Variants in POLDIP2 observed in about 807,000 individuals in gnomAD.
POLDIP2 encodes the protein DNA polymerase delta interacting protein 2.
POLDIP2 carries 32 observed loss-of-function variants against 52.9 expected under a neutral mutation model. That is an observed-to-expected ratio of 0.61 (90% confidence interval 0.46 to 0.81). The LOEUF (loss-of-function observed/expected upper bound fraction) is 0.81, where lower values mean the gene tolerates loss of function less well. Among genes scored for constraint, POLDIP2 ranks in the 40% least tolerant of loss-of-function variants. The pLI is 0.00. For synonymous variants in POLDIP2, 183 were observed against 183.0 expected (o/e 1.00, Z 0.00); for missense variants, 371 against 477.3 (o/e 0.78, Z 2.07).
chr17:28,357,238 T>C (rs369964112), intron 1 of POLDIP2, 50 bp downstream of exon 1: 4 of 1,455,718 alleles, frequency 2.7e-6, no homozygotes, highest in Non-Finnish European at 3.6e-6. Context: ...AGGAACACGC[T>C]CTCTGGGCTC....
intron 9 of POLDIP2, 121 bp from the exon 10 acceptor site, chr17:28,349,283 CAGCAGGCACTCCCAT>C: frequency 3.1e-6 from 2 of 648,548 alleles, no homozygotes; most frequent in East Asian, 2.9e-5. Context: ...GCCACCACCA[CAGCAGGCACTCCCAT>C]AGCATGATAC....
rs782819756 is a variant in POLDIP2 at position 28,351,783 on chromosome 17, G to A, written c.640C>T (p.Arg214Trp). The A allele has an allele frequency of 1.2e-6, 2 of 1,613,672 alleles. No homozygotes were observed. Among genetic ancestry groups the A allele is most frequent in the Non-Finnish European group, 8.5e-7 (1 of 1,179,648 alleles). Residue 214 changes from arginine (R) to tryptophan (W), a missense_variant, in exon 7 of 11, where the codon CGG becomes TGG. Arg to Trp is a moderately radical substitution (Grantham distance 101, BLOSUM62 -3). Transcript: ENST00000540200. Reference sequence around the variant, plus strand: ...TCTTGCCAGGCCCTTAGCGTCTCCCGAGCCACAAAAGGAGGTGCTGGGGCA... The same window carrying A: ...TCTTGCCAGGCCCTTAGCGTCTCCCAAGCCACAAAAGGAGGTGCTGGGGCA... ...DQTKAPPFVA[R>W]ETLRAWQEKN...
intron 1 of POLDIP2, 99 bp from the exon 2 acceptor site, chr17:28,355,975 T>C: frequency 1.2e-6 from 1 of 863,596 alleles, no homozygotes. Flanking sequence ...GCCAGGGCGA[T>C]GACAGCAGAG....
At chr17:28,353,649 C>T in intron 4 of POLDIP2, 46 bp downstream of exon 4, 1 of 1,348,590 alleles carries the variant, frequency 7.4e-7, no homozygotes. Context: ...GGATGCAGGA[C>T]TTTCCATGGA....
intron 3 of POLDIP2, among the ~76,000 whole-genome samples, 185 bp from the exon 4 acceptor site, chr17:28,353,976 C>T (rs574606608): frequency 6.6e-6 from 1 of 152,274 alleles, no homozygotes; most frequent in African/African-American, 2.4e-5. Context: ...AATAATAGAG[C>T]ATGGAAGACC....
At position 28,357,296 on chromosome 17, in the gene POLDIP2, G is replaced by A. The variant is rs1908089749; in HGVS notation, c.153C>T (p.Leu51=). 6.3e-7 allele frequency: 1 copy of A among 1,577,488 alleles called. No homozygotes were observed. Among genetic ancestry groups the A allele is most frequent in the African/African-American group, 1.4e-5 (1 of 72,052 alleles). ...CTGGCTCCGTCCCTCACCGGGACGA[G>A]AGGTGCCTCCGCGTCGTCGTGGTCG... ...PASTTTTRRH[L]SSRNRPEGKV... Residue 51 remains leucine (L), a synonymous_variant, in exon 1 of 11, where the codon CTC becomes CTT. Coordinates refer to ENST00000540200, the MANE Select transcript of POLDIP2 (RefSeq NM_015584.5).
Position 28,352,941 on chromosome 17 carries a change from T to A in POLDIP2, c.593A>T (p.Glu198Val), listed in dbSNP as rs1188346479. ...TGTCTGGTCATACAGAAGAAATCTT[T>A]CAAAGAGTTCATGTTGGATGGGAAC... ...DQVPIQHELF[E>V]RFLLYDQTKA... Residue 198 changes from glutamate to valine, a missense_variant, in exon 6 of 11, where the codon GAA (glutamate) becomes GTA (valine). Physicochemically the swap from Glu to Val is moderately radical, Grantham distance 121 (BLOSUM62 -2). Transcript: ENST00000540200. 3 of 1,586,870 alleles carry A rather than the reference T, an allele frequency of 1.9e-6. No individual in the cohort carries two copies. Among genetic ancestry groups the A allele is most frequent in the Non-Finnish European group, 2.6e-6 (3 of 1,155,158 alleles).
chr17:28,350,984 T>C (rs1191638118), intron 7 of POLDIP2, among the ~76,000 whole-genome samples, 192 bp from the exon 8 acceptor site: 1 of 152,034 alleles, frequency 6.6e-6, no homozygotes, highest in East Asian at 1.9e-4. Context: ...CTGTATCCAC[T>C]CCTGGCCTCC....
chr17:28,349,905 T>C (rs1858837), intron 9 of POLDIP2, among the ~76,000 whole-genome samples: 121,870 of 152,140 alleles, frequency 0.8, 49,246 homozygotes, highest in East Asian at 0.99. Flanking sequence ...TCCCCAGTCC[T>C]CGCTGACTTT....
At position 28,350,579 on chromosome 17, in the gene POLDIP2, G is replaced by A; in HGVS notation, c.787-16C>T. The A allele has an allele frequency of 6.2e-7, 1 of 1,603,156 alleles. No individual in the cohort carries two copies. The highest frequency in any genetic ancestry group is 1.1e-5 in the South Asian group (1 of 89,478). Reference sequence around the variant, plus strand: ...AGTAGCGCCACTGAGGTGGGTGTGGGAGAGAGAGTTTAAAAAAAATAAAAT... The same window carrying A: ...AGTAGCGCCACTGAGGTGGGTGTGGAAGAGAGAGTTTAAAAAAAATAAAAT... On this transcript the variant is annotated splice_polypyrimidine_tract_variant and intron_variant, in intron 8 of 10. Transcript: ENST00000540200.
At chr17:28,349,594 C>T (rs1384296593) in intron 9 of POLDIP2, among the ~76,000 whole-genome samples, 1 of 152,098 alleles carries the variant, frequency 6.6e-6, no homozygotes, top group Non-Finnish European at 1.5e-5. Context: ...CACCACTGCA[C>T]TCCAGCCTGG....
intron 8 of POLDIP2, 95 bp downstream of exon 8, chr17:28,350,671 G>C: frequency 1.9e-6 from 3 of 1,555,866 alleles, no homozygotes; most frequent in Non-Finnish European, 2.6e-6. Context: ...GCACTGCACA[G>C]GTTCCGCTCT....
chr17:28,355,394 G>T (rs1370710185), intron 2 of POLDIP2, among the ~76,000 whole-genome samples: 1 of 152,222 alleles, frequency 6.6e-6, no homozygotes, highest in Non-Finnish European at 1.5e-5. Context: ...GATCACCTGA[G>T]GTCGGGAGCT....
chr17:28,350,827 G>T, intron 7 of POLDIP2, 35 bp from the exon 8 acceptor site: 1 of 1,547,532 alleles, frequency 6.5e-7, no homozygotes. Flanking sequence ...AAGTCCCACA[G>T]GGCAAGACCA....
In POLDIP2 at chr17:28,350,487, C is replaced by G; in HGVS notation, c.863G>C (p.Ser288Thr). The G allele has an allele frequency of 6.2e-7, 1 of 1,613,182 alleles. No individual in the cohort carries two copies. Among genetic ancestry groups the G allele is most frequent in the Non-Finnish European group, 8.5e-7 (1 of 1,179,540 alleles). ...CACTGTCTCCAAGGTGCCAGAGAGA[C>G]TGAATATCCTCCAGTGCCGCTCCCG... ...QLRERHWRIF[S>T]LSGTLETVRG... The change falls in exon 9 of 11, where the codon AGT becomes ACT. Residue 288 changes from serine (S) to threonine (T), a missense_variant. Coordinates refer to ENST00000540200, the MANE Select transcript of POLDIP2 (RefSeq NM_015584.5).
chr17:28,348,504 G>A (rs1197408473), intron 10 of POLDIP2, among the ~76,000 whole-genome samples: 2 of 152,186 alleles, frequency 1.3e-5, no homozygotes, highest in Non-Finnish European at 2.9e-5. Context: ...CCTGAGGTGG[G>A]GAGTTTGAGA....
chr17:28,347,752 G>A lies in POLDIP2; in HGVS notation c.*365C>T, dbSNP rs949868583. The A allele has an allele frequency of 1.9e-4, 35 of 185,722 alleles. No individual in the cohort carries two copies. Among genetic ancestry groups the A allele is most frequent in the African/African-American group, 8.1e-4 (34 of 42,158 alleles). 11.5% of individuals were successfully genotyped at this position (185,722 alleles called of 1,614,324 possible). A position where few individuals can be genotyped will look rare whatever the true frequency, so the allele number is the denominator to read the frequency against. On this transcript the variant is annotated 3_prime_UTR_variant, in exon 11 of 11. Transcript: ENST00000540200. The stretch of plus-strand genomic sequence containing the variant: ...TCAAGGGCGCACACTGGGTCAGAAG[G>A]GGAGCCTGAGACTCTGGGAGCAGAA...
At chr17:28,348,370 T>C (rs1264264789) in intron 10 of POLDIP2, 139 bp from the exon 11 acceptor site, 7 of 613,572 alleles carry the variant, frequency 1.1e-5, no homozygotes, top group South Asian at 2.0e-5. Context: ...CATGACAGGA[T>C]GACTGGTCCA....
chr17:28,350,139 A>G (rs1907741733), intron 9 of POLDIP2, among the ~76,000 whole-genome samples: 1 of 152,192 alleles, frequency 6.6e-6, no homozygotes, highest in South Asian at 2.1e-4. Context: ...ACACTATACC[A>G]GTTTTAAAAA....
Sources: gnomAD v4.1 joint callset for allele counts (sites outside exome capture counted in the v4.1 genomes callset) on GRCh38, gnomAD v4.1.1 for gene constraint, MANE v1.5 for transcripts, NCBI Gene and HGNC (gene_info 2026-07-23, HGNC 2026-07-21) for gene names.